Variants in ADAD1 observed in about 807,000 individuals in gnomAD.
ADAD1 encodes the protein adenosine deaminase domain-containing protein 1.
ADAD1 carries 46 observed loss-of-function variants against 66.8 expected under a neutral mutation model. The observed-to-expected ratio is 0.69, with a 90% CI of 0.54 to 0.88. ADAD1 has a LOEUF of 0.88. ADAD1 is among the 40% of genes least tolerant of loss of function. ADAD1 has a pLI of 0.00. For synonymous variants in ADAD1, 248 were observed against 229.4 expected (o/e 1.08, Z -0.73); for missense variants, 617 against 681.8 (o/e 0.91, Z 1.06).
chr4:122,415,238 A>G, intron 10 of ADAD1, 141 bp from the exon 11 acceptor site: 1 of 641,964 alleles, frequency 1.6e-6, no homozygotes, highest in South Asian at 2.1e-5. Flanking sequence ...AGTAGATGCT[A>G]AGAGAATAGA....
intron 11 of ADAD1, among the ~76,000 whole-genome samples, chr4:122,417,757 G>A (rs570395810): frequency 2.6e-5 from 4 of 152,212 alleles, no homozygotes; most frequent in East Asian, 1.9e-4. Context: ...TGTGTTAAAC[G>A]ACAAAGAAAA....
At position 122,428,146 on chromosome 4, in the gene ADAD1, A is replaced by G. The variant is rs115517000; in HGVS notation, c.1618-1480A>G. ...TAACTCAAAGTGGACTTTAGATCTA[A>G]CTGTAAGAGCTAAAACTATAAAACT... On this transcript the variant is annotated intron_variant, in intron 12 of 12. Coordinates refer to ENST00000296513, the MANE Select transcript of ADAD1 (RefSeq NM_139243.4). Among the ~76,000 whole-genome samples, 454 of 152,282 alleles carry G rather than the reference A, an allele frequency of 3.0e-3. 2 individuals carry two copies. The highest frequency in any genetic ancestry group is 0.011 in the African/African-American group (441 of 41,560).
chr4:122,408,054 GTTA>G, intron 8 of ADAD1, 23 bp downstream of exon 8: 4 of 1,595,010 alleles, frequency 2.5e-6, no homozygotes, highest in Non-Finnish European at 3.4e-6. Flanking sequence ...ATATATTAAT[GTTA>G]TTAAATATGA....
chr4:122,380,596 T>G (rs1331131081), intron 3 of ADAD1: 1 of 294,184 alleles, frequency 3.4e-6, no homozygotes, highest in Non-Finnish European at 6.2e-6. Context: ...TACTTTAAAA[T>G]TCGGTGGAAT....
At position 122,380,066 on chromosome 4, in the gene ADAD1, G is replaced by A. The variant is rs1289958533; in HGVS notation, c.-4G>A. ...CAATTTTATCGTGACCTCTAGGTGA[G>A]AAAATGGCTAGCAACAATCATTGGT... On this transcript the variant is annotated 5_prime_UTR_variant, in exon 3 of 13. Transcript: ENST00000296513. 1 of 1,610,304 alleles carries A rather than the reference G, an allele frequency of 6.2e-7. No homozygotes were observed. Among genetic ancestry groups the A allele is most frequent in the East Asian group, 2.2e-5 (1 of 44,870 alleles).
chr4:122,406,418 T>C (rs993121605), intron 7 of ADAD1, among the ~76,000 whole-genome samples: 1 of 152,314 alleles, frequency 6.6e-6, no homozygotes, highest in African/African-American at 2.4e-5. Context: ...TTACTTGCTT[T>C]TTACTGTTGA....
intron 12 of ADAD1, among the ~76,000 whole-genome samples, chr4:122,425,956 CA>C (rs2150612092): frequency 6.6e-6 from 1 of 151,176 alleles, no homozygotes; most frequent in Admixed American, 6.6e-5. Flanking sequence ...AGAAGAAGAG[CA>C]AATCAGAATC....
At chr4:122,395,102 G>A (rs1228211202) in intron 6 of ADAD1, among the ~76,000 whole-genome samples, 1 of 152,050 alleles carries the variant, frequency 6.6e-6, no homozygotes, top group Non-Finnish European at 1.5e-5. Context: ...CCAGGCTGGA[G>A]TGCAGTGGCA....
At chr4:122,391,562 G>A (rs1044729917) in intron 5 of ADAD1, among the ~76,000 whole-genome samples, 2 of 152,216 alleles carry the variant, frequency 1.3e-5, no homozygotes, top group Non-Finnish European at 2.9e-5. Context: ...CCTCTAGCTG[G>A]AGTTATTGGA....
chr4:122,425,018 T>A (rs1449969705), intron 12 of ADAD1, among the ~76,000 whole-genome samples: 1 of 152,084 alleles, frequency 6.6e-6, no homozygotes, highest in Admixed American at 6.6e-5. Flanking sequence ...CAGAAAGATA[T>A]GTGTATGTGG....
chr4:122,387,473 G>A (rs979891354), intron 5 of ADAD1, among the ~76,000 whole-genome samples: 1 of 152,108 alleles, frequency 6.6e-6, no homozygotes, highest in African/African-American at 2.4e-5. Flanking sequence ...ACAAAATCAT[G>A]TCGTCTACAA....
rs756826832 is a variant in ADAD1 at position 122,396,289 on chromosome 4, C to G, written c.636C>G (p.Ile212Met). 1.3e-6 allele frequency: 2 copies of G among 1,594,804 alleles called. No homozygotes were observed. The highest frequency in any genetic ancestry group is 2.3e-5 in the East Asian group (1 of 44,134). Residue 212 changes from isoleucine to methionine, a missense_variant, in exon 7 of 13, where the codon ATC (isoleucine) becomes ATG (methionine). Coordinates refer to ENST00000296513, the MANE Select transcript of ADAD1 (RefSeq NM_139243.4). ...RHIQYAKISQIVKERFNQLIS... is the reference protein window; with the variant it reads ...RHIQYAKISQMVKERFNQLIS... ...TTCAATATGCAAAGATTTCACAGAT[C>G]GTTAAAGAAAGATTTAATCAACTAA...
At chr4:122,407,887 C>A (rs1227077404) in intron 7 of ADAD1, 21 bp from the exon 8 acceptor site, 1 of 1,610,172 alleles carries the variant, frequency 6.2e-7, no homozygotes, top group Admixed American at 1.7e-5. Flanking sequence ...TAACCTGCTA[C>A]TGTCTACCTT....
intron 5 of ADAD1, 32 bp downstream of exon 5, chr4:122,383,998 GA>G (rs1561529973): frequency 6.6e-7 from 1 of 1,521,248 alleles, no homozygotes; most frequent in Non-Finnish European, 8.9e-7. Context: ...GTATTTATAA[GA>G]GGTATCATTT....
chr4:122,411,351 G>A lies in ADAD1; in HGVS notation c.978G>A (p.Met326Ile), dbSNP rs1367631600. The A allele has an allele frequency of 6.2e-7, 1 of 1,612,910 alleles. No individual in the cohort carries two copies. The highest frequency in any genetic ancestry group is 2.2e-5 in the East Asian group (1 of 44,810). ...LKQNINICLY[M>I]NQLPKGSAQI... is the part of the protein sequence containing the mutation. ...AGAATATCAACATTTGCCTTTACAT[G>A]AACCAGTTGCCTAAAGGATCAGCCC... The change falls in exon 9 of 13, where the codon ATG becomes ATA. Residue 326 changes from methionine to isoleucine, a missense_variant. Transcript: ENST00000296513.
chr4:122,387,719 T>G (rs979755606), intron 5 of ADAD1, among the ~76,000 whole-genome samples: 5 of 152,058 alleles, frequency 3.3e-5, no homozygotes, highest in African/African-American at 1.2e-4. Context: ...ACATGTTCCA[T>G]CAATACCTTA....
intron 5 of ADAD1, among the ~76,000 whole-genome samples, chr4:122,392,225 T>C (rs1016118296): frequency 1.3e-5 from 2 of 152,232 alleles, no homozygotes; most frequent in Non-Finnish European, 2.9e-5. Context: ...AAATAAATTA[T>C]TCTTTCAAAA....
intron 7 of ADAD1, among the ~76,000 whole-genome samples, chr4:122,407,248 G>GA (rs34089566): frequency 2.0e-5 from 3 of 151,658 alleles, no homozygotes; most frequent in Non-Finnish European, 4.4e-5. Context: ...GGAATATGGG[G>GA]AAAAAAAAGA....
At chr4:122,416,698 A>T (rs1796751407) in intron 11 of ADAD1, among the ~76,000 whole-genome samples, 6 of 151,926 alleles carry the variant, frequency 3.9e-5, no homozygotes, top group Admixed American at 3.9e-4. Flanking sequence ...GTATCACTGC[A>T]CTCCAGCCTG....
Sources: gnomAD v4.1 joint callset for allele counts (sites outside exome capture counted in the v4.1 genomes callset) on GRCh38, gnomAD v4.1.1 for gene constraint, MANE v1.5 for transcripts, NCBI Gene and HGNC (gene_info 2026-07-23, HGNC 2026-07-21) for gene names.